The following ZHX2 variants were observed in gnomAD, a reference collection of about 807,000 sequenced individuals.
The protein encoded by ZHX2 is zinc fingers and homeoboxes protein 2.
ZHX2 carries 6 observed loss-of-function variants against 21.9 expected under a neutral mutation model. The observed-to-expected ratio is 0.27, with a 90% confidence interval of 0.15 to 0.54. The LOEUF is 0.54. Ranked by LOEUF, ZHX2 falls within the 20% of genes least tolerant of loss-of-function variation. The probability of loss-of-function intolerance (pLI) is 0.95; values close to 1 mark genes in which losing one functional copy is unlikely to be tolerated. For missense variants in ZHX2, 908 were observed against 1,090.7 expected, an observed-to-expected ratio of 0.83 and a Z score of 2.36; for synonymous variants, 434 against 437.1, an observed-to-expected ratio of 0.99 and a Z score of 0.09.
intron 2 of ZHX2, among the ~76,000 whole-genome samples, chr8:122,943,220 C>T (rs770819780): frequency 2.0e-5 from 3 of 151,996 alleles, no homozygotes; most frequent in Non-Finnish European, 4.4e-5. Flanking sequence ...CAAGATCGCA[C>T]CACTGCACTC....
chr8:122,925,336 T>G (rs1820823780), intron 2 of ZHX2, among the ~76,000 whole-genome samples: 1 of 152,158 alleles, frequency 6.6e-6, no homozygotes, highest in African/African-American at 2.4e-5. Context: ...GTGTGATTGA[T>G]CTTCCGTAAC....
Position 122,940,896 on chromosome 8 carries a change from G to A in ZHX2, c.-219-10396G>A, listed in dbSNP as rs140358456. Among the ~76,000 whole-genome samples the A allele has an allele frequency of 1.4e-4, 22 of 152,120 alleles. 1 individual carries two copies. In the East Asian group the frequency reaches 4.3e-3, roughly 29 times the overall value. ...CCTCAGTTTCCTCATCTGTAAAATGGAGATCACAGCCATCAGTTGGTGTTC... is the reference window on the plus strand; with the variant it reads ...CCTCAGTTTCCTCATCTGTAAAATGAAGATCACAGCCATCAGTTGGTGTTC... On this transcript the variant is annotated intron_variant, in intron 2 of 3. Transcript: ENST00000314393.
chr8:122,858,336 G>A (rs961528501), intron 1 of ZHX2, among the ~76,000 whole-genome samples: 1 of 152,166 alleles, frequency 6.6e-6, no homozygotes, highest in East Asian at 1.9e-4. Context: ...GATAAACTTC[G>A]TAAGAGGGAG....
intron 2 of ZHX2, among the ~76,000 whole-genome samples, chr8:122,866,442 T>C (rs946343727): frequency 7.9e-5 from 12 of 152,234 alleles, no homozygotes; most frequent in Non-Finnish European, 1.8e-4. Context: ...ATGAGCTTGC[T>C]TAGTGCCCTG....
At chr8:122,907,729 A>C (rs1459724278) in intron 2 of ZHX2, among the ~76,000 whole-genome samples, 1 of 152,226 alleles carries the variant, frequency 6.6e-6, no homozygotes, top group African/African-American at 2.4e-5. Context: ...TTTCCCATCT[A>C]TAAAATGGCT....
intron 1 of ZHX2, among the ~76,000 whole-genome samples, chr8:122,795,432 G>A (rs1420637010): frequency 1.3e-5 from 2 of 152,174 alleles, no homozygotes; most frequent in African/African-American, 2.4e-5. Flanking sequence ...TTCCTCCCTT[G>A]GGCCTGGCCT....
Position 122,941,300 on chromosome 8 carries a change from C to T in ZHX2, c.-219-9992C>T, listed in dbSNP as rs368632097. On this transcript the variant is annotated intron_variant, in intron 2 of 3. Transcript: ENST00000314393. ...CATGTAAACAACATTTTAGTACTAT[C>T]AGGTTTCCTTGGTCAACAAACCCCT... 2.6e-5 allele frequency among the ~76,000 whole-genome samples: 4 copies of T among 152,302 alleles called. No homozygotes were observed. In the East Asian group the frequency reaches 7.7e-4, roughly 29 times the overall value.
intron 1 of ZHX2, among the ~76,000 whole-genome samples, chr8:122,833,028 TGAG>T (rs1044679189): frequency 2.6e-5 from 4 of 152,046 alleles, no homozygotes; most frequent in African/African-American, 9.7e-5. Flanking sequence ...TCTGAAACCT[TGAG>T]GTAGTACACA....
intron 3 of ZHX2, among the ~76,000 whole-genome samples, chr8:122,955,070 G>GGGC (rs1563605443): frequency 1.3e-5 from 1 of 75,858 alleles, no homozygotes. Flanking sequence ...CACATAAGCC[G>GGGC]GGGGGGGGGG....
In ZHX2 at chr8:122,953,091, C is replaced by A; in HGVS notation, c.1581C>A (p.Asp527Glu). 6.2e-7 allele frequency: 1 copy of A among 1,613,994 alleles called. No individual in the cohort carries two copies. Among genetic ancestry groups the A allele is most frequent in the Non-Finnish European group, 8.5e-7 (1 of 1,180,026 alleles). ...GTCGCACGTATCATGCGTACCCAGA[C>A]TTTGCCCCCCAGAAGTTCAAAGAGA... Reference protein sequence around the residue: ...RHGRTYHAYPDFAPQKFKEKT... With the variant: ...RHGRTYHAYPEFAPQKFKEKT... The change falls in exon 3 of 4, where the codon GAC becomes GAA. Residue 527 changes from aspartate (D) to glutamate (E), a missense_variant. Asp to Glu is a conservative substitution (Grantham distance 45). Around this residue, in one of 4 missense-constraint regions of ZHX2, gnomAD observed 431 missense variants for 428.6 expected, o/e 1.01. Coordinates refer to ENST00000314393, the MANE Select transcript of ZHX2 (RefSeq NM_014943.5). This position sits in a 1 kb window ranked among gnomAD's most constrained non-coding sequence, Gnocchi z 4.6.
At chr8:122,810,405 C>G (rs969084217) in intron 1 of ZHX2, 1 of 152,188 alleles carries the variant, frequency 6.6e-6, no homozygotes, top group Non-Finnish European at 1.5e-5. Context: ...TCACTGTGGT[C>G]AGAGATAACG....
intron 1 of ZHX2, among the ~76,000 whole-genome samples, chr8:122,859,558 A>G (rs1405745794): frequency 1.3e-5 from 2 of 152,044 alleles, no homozygotes; most frequent in Non-Finnish European, 2.9e-5. Context: ...AGAAAGGAGA[A>G]GAAGGCAGTG....
intron 2 of ZHX2, among the ~76,000 whole-genome samples, chr8:122,873,944 T>A (rs1418978761): frequency 6.6e-6 from 1 of 152,206 alleles, no homozygotes; most frequent in East Asian, 1.9e-4. Context: ...TGACGTTCAT[T>A]GGCTTCCTAC....
At chr8:122,972,420 G>A (rs997136957) in intron 3 of ZHX2, among the ~76,000 whole-genome samples, 14 of 152,124 alleles carry the variant, frequency 9.2e-5, no homozygotes, top group African/African-American at 1.7e-4. Context: ...TTAAGTGCAC[G>A]GACTCTAGAG....
chr8:122,873,205 G>A (rs984800298), intron 2 of ZHX2, among the ~76,000 whole-genome samples: 31 of 152,220 alleles, frequency 2.0e-4, no homozygotes, highest in Admixed American at 1.3e-3. Flanking sequence ...AGGAGTGACC[G>A]TGGCGGTAAT....
intron 2 of ZHX2, among the ~76,000 whole-genome samples, chr8:122,884,487 T>C (rs941029532): frequency 7.2e-5 from 11 of 152,228 alleles, no homozygotes; most frequent in Admixed American, 5.2e-4. Context: ...GAGGAATTTG[T>C]CAGCTCTTCC....
At position 122,811,474 on chromosome 8, in the gene ZHX2, T is replaced by C. The variant is rs17359796; in HGVS notation, c.-283+29528T>C. Reference sequence around the variant, plus strand: ...AGGTTCACTGGCTTTATGGTCTTTCTAATGCTCCCTGCCCTGCATCCACGC... The same window carrying C: ...AGGTTCACTGGCTTTATGGTCTTTCCAATGCTCCCTGCCCTGCATCCACGC... On this transcript the variant is annotated intron_variant, in intron 1 of 3. Transcript: ENST00000314393. 6.1e-3 allele frequency among the ~76,000 whole-genome samples: 923 copies of C among 152,354 alleles called. 6 individuals carry two copies. Among genetic ancestry groups the C allele is most frequent in the Non-Finnish European group, 0.01 (694 of 68,030 alleles).
intron 2 of ZHX2, among the ~76,000 whole-genome samples, chr8:122,907,280 C>T (rs770783002): frequency 1.3e-5 from 2 of 152,114 alleles, no homozygotes; most frequent in Non-Finnish European, 2.9e-5. Context: ...AGACATGAGA[C>T]ATCAATCAGC....
At chr8:122,884,629 C>T (rs1445452619) in intron 2 of ZHX2, among the ~76,000 whole-genome samples, 3 of 152,176 alleles carry the variant, frequency 2.0e-5, no homozygotes, top group Non-Finnish European at 4.4e-5. Context: ...CCGCAAGTAT[C>T]GTGGGCGTCC....
Sources: allele counts gnomAD v4.1 joint callset (sites outside exome capture counted in the v4.1 genomes callset), GRCh38; gene constraint gnomAD v4.1.1; regional missense constraint gnomAD v4.1.1; non-coding constraint Gnocchi (gnomAD v3.1); transcripts MANE v1.5; gene names NCBI Gene and HGNC (gene_info 2026-07-23, HGNC 2026-07-21).